Variants in NACC2 observed in about 807,000 individuals in gnomAD.
NACC2 encodes the protein nucleus accumbens-associated protein 2.
NACC2 carries 8 observed loss-of-function variants against 25.1 expected under a neutral mutation model. That is an observed-to-expected ratio of 0.32 (90% CI 0.19 to 0.57). The LOEUF is 0.57. NACC2 is among the 20% of genes least tolerant of loss of function. The probability of loss-of-function intolerance (pLI) is 0.89; values close to 1 mark genes in which losing one functional copy is unlikely to be tolerated. For synonymous variants in NACC2, 435 were observed against 294.7 expected (o/e 1.48, Z -4.88); for missense variants, 644 against 650.2 (o/e 0.99, Z 0.10).
At chr9:136,051,193 G>A (rs1202131327) in intron 1 of NACC2, among the ~76,000 whole-genome samples, 3 of 152,212 alleles carry the variant, frequency 2.0e-5, no homozygotes, top group Non-Finnish European at 2.9e-5. Context: ...TGGGGGTGCC[G>A]GGAAGTCCGC....
rs1317230347 is a variant in NACC2 at position 136,041,437 on chromosome 9, TAAAG to T, written c.886+8195_886+8198del. Among the ~76,000 whole-genome samples the T allele has an allele frequency of 3.4e-5, 5 of 148,116 alleles. No individual in the cohort carries two copies. In the East Asian group the frequency reaches 9.9e-4, roughly 29 times the overall value. The stretch of plus-strand genomic sequence containing the variant: ...GATCTGAGAAAAAAAAAAAAAGAAA[TAAAG>T]AAAAAAATGAAGCATTGACCTATTC... On this transcript the variant is annotated intron_variant, in intron 2 of 5. Transcript: ENST00000277554.
At position 136,010,050 on chromosome 9, in the gene NACC2, A is replaced by T. The variant is rs996710107; in HGVS notation, c.*1466T>A. ...GGACACCTGGGTAGGTGGCCACACC[A>T]GCACTTCACACAGGACTTCACACAG... On this transcript the variant is annotated 3_prime_UTR_variant, in exon 6 of 6. Coordinates refer to ENST00000277554, the MANE Select transcript of NACC2 (RefSeq NM_144653.5). This position sits in a 1 kb window ranked among gnomAD's most constrained non-coding sequence, Gnocchi z 4.9. The T allele has an allele frequency of 6.6e-6, 1 of 152,214 alleles. No individual in the cohort carries two copies. Among genetic ancestry groups the T allele is most frequent in the Non-Finnish European group, 1.5e-5 (1 of 68,064 alleles). The allele number at this position is 152,214 out of a possible 1,614,324, so 9.4% of individuals were successfully genotyped here. A position where few individuals can be genotyped will look rare whatever the true frequency, so the allele number is the denominator to read the frequency against.
chr9:136,026,505 TGAG>T (rs1840392304), intron 2 of NACC2, among the ~76,000 whole-genome samples: 1 of 151,978 alleles, frequency 6.6e-6, no homozygotes, highest in Admixed American at 6.6e-5. Flanking sequence ...GGAGACAGAC[TGAG>T]GGGTCCCCAG....
chr9:136,087,118 A>G (rs1461988614), intron 1 of NACC2, among the ~76,000 whole-genome samples: 1 of 152,232 alleles, frequency 6.6e-6, no homozygotes, highest in Non-Finnish European at 1.5e-5. Flanking sequence ...GACTGGGCCC[A>G]TGATCCCACA....
chr9:136,026,411 G>C (rs1840390653), intron 2 of NACC2, among the ~76,000 whole-genome samples: 1 of 151,198 alleles, frequency 6.6e-6, no homozygotes, highest in African/African-American at 2.4e-5. Context: ...AAAGACACAT[G>C]GAACACATAG....
At chr9:136,030,487 G>A (rs1457188126) in intron 2 of NACC2, among the ~76,000 whole-genome samples, 3 of 151,940 alleles carry the variant, frequency 2.0e-5, no homozygotes, top group African/African-American at 4.8e-5. Flanking sequence ...GCAGGCGCCT[G>A]TAGTCCCAGC....
chr9:136,017,439 G>A lies in NACC2; in HGVS notation c.887-1010C>T, dbSNP rs755716518. Reference sequence around the variant, plus strand: ...TGGACACCCAGCATGCACCAGGTGCGCGGGGCCAAGGAAACACAGCCCTGG... The same window carrying A: ...TGGACACCCAGCATGCACCAGGTGCACGGGGCCAAGGAAACACAGCCCTGG... On this transcript the variant is annotated intron_variant, in intron 2 of 5. Coordinates refer to ENST00000277554, the MANE Select transcript of NACC2 (RefSeq NM_144653.5). Among the ~76,000 whole-genome samples the A allele has an allele frequency of 5.3e-5, 8 of 152,148 alleles. No homozygotes were observed. The East Asian group carries it at 5.8e-4, about 11-fold the overall frequency.
intron 2 of NACC2, among the ~76,000 whole-genome samples, chr9:136,040,117 G>A (rs1358091613): frequency 3.3e-5 from 5 of 151,970 alleles, no homozygotes; most frequent in African/African-American, 7.3e-5. Context: ...AGGCTGAGGC[G>A]GGTGGATTAC....
At chr9:136,015,209 G>A (rs762261266) in intron 3 of NACC2, among the ~76,000 whole-genome samples, 7 of 152,192 alleles carry the variant, frequency 4.6e-5, no homozygotes, top group South Asian at 2.1e-4. Context: ...TGGGATGACC[G>A]AGAGCATCTT....
Position 136,055,997 on chromosome 9 carries a change from T to C in NACC2, c.-59-5417A>G, listed in dbSNP as rs1238175037. Among the ~76,000 whole-genome samples the C allele has an allele frequency of 6.6e-6, 1 of 152,180 alleles. No individual in the cohort carries two copies. Among genetic ancestry groups the C allele is most frequent in the Non-Finnish European group, 1.5e-5 (1 of 68,032 alleles). On this transcript the variant is annotated intron_variant, in intron 1 of 5. Transcript: ENST00000277554. The surrounding 1 kb of genome is among the most constrained non-coding windows in gnomAD (Gnocchi z 4.9). ...TCTGGGGGCTGCTACCCCGTGGACC[T>C]TGCCCACCTCCGCGCAACGCCTTCC...
intron 1 of NACC2, among the ~76,000 whole-genome samples, chr9:136,074,639 A>C (rs1830237537): frequency 6.6e-6 from 1 of 151,698 alleles, no homozygotes; most frequent in African/African-American, 2.4e-5. Flanking sequence ...TGCCTTCCTC[A>C]AGGAACCTAT....
At chr9:136,041,095 A>AAAGGAAAGGAAGGAAGCAAAAGG (rs1840623508) in intron 2 of NACC2, among the ~76,000 whole-genome samples, 4 of 146,342 alleles carry the variant, frequency 2.7e-5, no homozygotes, top group Non-Finnish European at 6.0e-5. Flanking sequence ...GAAGCAAAGG[A>AAAGGAAAGGAAGGAAGCAAAAGG]AAGGAAAGGA....
intron 1 of NACC2, among the ~76,000 whole-genome samples, chr9:136,085,709 G>A (rs757659835): frequency 3.2e-4 from 49 of 152,262 alleles, no homozygotes; most frequent in African/African-American, 1.0e-3. Flanking sequence ...CAAATCGTTC[G>A]GGAAAATGTT....
At chr9:136,044,264 G>A (rs939528086) in intron 2 of NACC2, among the ~76,000 whole-genome samples, 10 of 152,110 alleles carry the variant, frequency 6.6e-5, no homozygotes, top group Non-Finnish European at 1.0e-4. Context: ...ACCTGTAATC[G>A]CAGCTTTTTG....
chr9:136,034,745 C>G (rs925778442), intron 2 of NACC2, among the ~76,000 whole-genome samples: 2 of 151,848 alleles, frequency 1.3e-5, no homozygotes, highest in African/African-American at 4.8e-5. Context: ...ATAGGGGAAG[C>G]TCTTTCCTGT....
chr9:136,053,993 C>T (rs1840886637), intron 1 of NACC2, among the ~76,000 whole-genome samples: 1 of 152,208 alleles, frequency 6.6e-6, no homozygotes, highest in Non-Finnish European at 1.5e-5. Flanking sequence ...GGGCACCAGC[C>T]ACTTCCTGTA....
At chr9:136,074,817 G>A (rs74443985) in intron 1 of NACC2, among the ~76,000 whole-genome samples, 2,723 of 152,276 alleles carry the variant, frequency 0.018, 28 homozygotes, top group Non-Finnish European at 0.028. Context: ...GCTCGGGGAT[G>A]TATCACTCAG....
At position 136,008,273 on chromosome 9, in the gene NACC2, C is replaced by T. The variant is rs1840054674; in HGVS notation, c.*3243G>A. ...GTATCTGTCACACCTCCGGTCCCTC[C>T]TGGACCTCTCCATGCAACCCAGCTG... On this transcript the variant is annotated 3_prime_UTR_variant, in exon 6 of 6. Transcript: ENST00000277554. 6.6e-6 allele frequency: 1 copy of T among 152,272 alleles called. No individual in the cohort carries two copies. Among genetic ancestry groups the T allele is most frequent in the Non-Finnish European group, 1.5e-5 (1 of 68,086 alleles). The allele number at this position is 152,272 out of a possible 1,614,324, so 9.4% of individuals were successfully genotyped here.
chr9:136,050,707 C>T (rs1588571953), intron 1 of NACC2, 127 bp from the exon 2 acceptor site: 2 of 618,740 alleles, frequency 3.2e-6, no homozygotes, highest in Non-Finnish European at 5.8e-6. Context: ...CGCGCCCTCC[C>T]CCGCCCCTCC....
Sources: allele counts gnomAD v4.1 joint callset (sites outside exome capture counted in the v4.1 genomes callset), GRCh38; gene constraint gnomAD v4.1.1; non-coding constraint Gnocchi (gnomAD v3.1); transcripts MANE v1.5; gene names NCBI Gene and HGNC (gene_info 2026-07-23, HGNC 2026-07-21).